TBCD: variants seen among roughly 807,000 people sequenced by gnomAD.
The protein encoded by TBCD is tubulin-specific chaperone D.
TBCD carries 105 observed loss-of-function variants against 169.3 expected under a neutral mutation model. The observed-to-expected ratio is 0.62, with a 90% CI of 0.53 to 0.73. The LOEUF is 0.73. Among genes scored for constraint, TBCD ranks in the 30% least tolerant of loss-of-function variants. The pLI is 0.00. For missense variants in TBCD, 1,444 were observed against 1,600.1 expected, an observed-to-expected ratio of 0.90 and a Z score of 1.66; for synonymous variants, 700 against 643.9, an observed-to-expected ratio of 1.09 and a Z score of -1.32.
intron 15 of TBCD, among the ~76,000 whole-genome samples, chr17:82,887,843 A>G (rs1454529856): frequency 6.6e-6 from 1 of 151,954 alleles, no homozygotes; most frequent in African/African-American, 2.4e-5. Context: ...GTCATGCCTG[A>G]TGGTGTGGAG....
At chr17:82,778,614 A>G (rs1279507345) in intron 6 of TBCD, among the ~76,000 whole-genome samples, 1 of 147,726 alleles carries the variant, frequency 6.8e-6, no homozygotes, top group African/African-American at 2.5e-5. Context: ...GCATGCCACG[A>G]CACCCAGCCA....
chr17:82,942,521 G>A lies in TBCD; in HGVS notation c.*58G>A, dbSNP rs200398757. The A allele has an allele frequency of 3.7e-4, 602 of 1,612,988 alleles. No individual in the cohort carries two copies. The highest frequency in any genetic ancestry group is 4.4e-4 in the Non-Finnish European group (518 of 1,179,338). On this transcript the variant is annotated 3_prime_UTR_variant, in exon 39 of 39. Coordinates refer to ENST00000355528, the MANE Select transcript of TBCD (RefSeq NM_005993.5). The stretch of plus-strand genomic sequence containing the variant: ...CTGGTGAGGATGTCTTGTTCCTGAG[G>A]GAGGCCGGTGTGGAAAGCCTCGCAC...
chr17:82,909,971 G>A (rs1263829573), intron 22 of TBCD, among the ~76,000 whole-genome samples: 1 of 152,190 alleles, frequency 6.6e-6, no homozygotes, highest in East Asian at 1.9e-4. Flanking sequence ...TTTGGGTGTG[G>A]TTTCTTCCCC....
chr17:82,906,334 T>C (rs945891137), intron 20 of TBCD, among the ~76,000 whole-genome samples: 7 of 152,226 alleles, frequency 4.6e-5, no homozygotes, highest in African/African-American at 1.4e-4. Flanking sequence ...CCCTGCTGCC[T>C]CCTTGTGCAC....
rs1227658662 is a variant in TBCD, at chr17:82,835,068, A to G, written c.1318+20134A>G. Among the ~76,000 whole-genome samples, 1 of 152,190 alleles carries G rather than the reference A, an allele frequency of 6.6e-6. No homozygotes were observed. The highest frequency in any genetic ancestry group is 1.5e-5 in the Non-Finnish European group (1 of 68,032). On this transcript the variant is annotated intron_variant, in intron 13 of 38. Coordinates refer to ENST00000355528, the MANE Select transcript of TBCD (RefSeq NM_005993.5). This position sits in a 1 kb window ranked among gnomAD's most constrained non-coding sequence, Gnocchi z 4.5. ...GCAACAGAATGAGACCCTGCCTCAA[A>G]AAAAAGCTAAATGGAAATGACTTAA...
chr17:82,838,509 C>A, intron 13 of TBCD: 1 of 388,796 alleles, frequency 2.6e-6, no homozygotes, highest in Non-Finnish European at 3.5e-6. Flanking sequence ...GCCTGCTCGG[C>A]TGGAGCATTG....
At position 82,814,836 on chromosome 17, in the gene TBCD, T is replaced by G. The variant is rs994122089; in HGVS notation, c.1224-4T>G. 3 of 1,613,678 alleles carry G rather than the reference T, an allele frequency of 1.9e-6. No individual in the cohort carries two copies. The African/African-American group carries it at 4.0e-5, about 22-fold the overall frequency. On this transcript the variant is annotated splice_region_variant and splice_polypyrimidine_tract_variant and intron_variant, in intron 12 of 38. Coordinates refer to ENST00000355528, the MANE Select transcript of TBCD (RefSeq NM_005993.5). ...TGTGGTCTCAGGATCTTTGTTGCTC[T>G]CAGTTTCCAGGAGACTGACAAGGCG... is the stretch of plus-strand genomic sequence containing the variant.
intron 13 of TBCD, among the ~76,000 whole-genome samples, chr17:82,822,221 A>G (rs755724312): frequency 4.6e-5 from 7 of 152,272 alleles, no homozygotes; most frequent in African/African-American, 9.6e-5. Flanking sequence ...AGGTGAGGAC[A>G]CAGCGTTTCT....
chr17:82,831,287 C>G lies in TBCD; in HGVS notation c.1318+16353C>G. 3.1e-6 allele frequency: 5 copies of G among 1,613,856 alleles called. No homozygotes were observed. The highest frequency in any genetic ancestry group is 4.2e-6 in the Non-Finnish European group (5 of 1,180,032). On this transcript the variant is annotated intron_variant, in intron 13 of 38. Transcript: ENST00000355528. This position sits in a 1 kb window ranked among gnomAD's most constrained non-coding sequence, Gnocchi z 4.6. ...GACCCTTCCGTGTCTCTCTGCCCAG[C>G]CTTGGAGGAGTCTTTAGCCTCAGGA...
At chr17:82,867,350 C>G (rs2057245147) in intron 13 of TBCD, among the ~76,000 whole-genome samples, 1 of 152,216 alleles carries the variant, frequency 6.6e-6, no homozygotes, top group African/African-American at 2.4e-5. Context: ...AATTGGGACT[C>G]AGCGGTTTGC....
At chr17:82,797,834 G>A in intron 8 of TBCD, 32 bp downstream of exon 8, 1 of 1,521,536 alleles carries the variant, frequency 6.6e-7, no homozygotes, top group South Asian at 1.2e-5. Context: ...CGATATCTTT[G>A]TGATGTGAGT....
In TBCD at chr17:82,900,476, T is replaced by TGTAAA. The variant is rs1486282296; in HGVS notation, c.1650-174_1650-173insTAAAG. On this transcript the variant is annotated intron_variant, in intron 17 of 38. Transcript: ENST00000355528. ...TGCACGTTTGTGTAAAGCCCGTGTG[T>TGTAAA]GCACAGATGCTCTTTTCTTTTGGGT... 3 of 606,476 alleles carry TGTAAA rather than the reference T, an allele frequency of 4.9e-6. No homozygotes were observed. In the African/African-American group the frequency reaches 5.6e-5, roughly 11 times the overall value. The allele number at this position is 606,476 out of a possible 1,614,324, so 37.6% of individuals were successfully genotyped here.
Position 82,815,083 on chromosome 17 carries a change from C to T in TBCD, c.1318+149C>T, listed in dbSNP as rs1380529873. On this transcript the variant is annotated intron_variant, in intron 13 of 38. Coordinates refer to ENST00000355528, the MANE Select transcript of TBCD (RefSeq NM_005993.5). The stretch of plus-strand genomic sequence containing the variant: ...AGGCTGTCCGTGGCAGGCTGCAGCC[C>T]TTCGTCTGAACCCATCTCCGCGGTG... 22 of 1,339,142 alleles carry T rather than the reference C, an allele frequency of 1.6e-5. No individual in the cohort carries two copies. In the East Asian group the frequency reaches 5.0e-4, roughly 31 times the overall value. The allele number at this position is 1,339,142 out of a possible 1,614,324, so 83.0% of individuals were successfully genotyped here.
At position 82,926,618 on chromosome 17, in the gene TBCD, A is replaced by G. The variant is rs545563998; in HGVS notation, c.2471+127A>G. 61 of 770,076 alleles carry G rather than the reference A, an allele frequency of 7.9e-5. No individual in the cohort carries two copies. The African/African-American group carries it at 9.6e-4, about 12-fold the overall frequency. The allele number at this position is 770,076 out of a possible 1,614,324, so 47.7% of individuals were successfully genotyped here. On this transcript the variant is annotated intron_variant, in intron 28 of 38. Coordinates refer to ENST00000355528, the MANE Select transcript of TBCD (RefSeq NM_005993.5). Reference sequence around the variant, plus strand: ...TCACTTCCTAGGTTTCCTCTCTTCCAGAGGATCGTCAGTCCCAGCTGCTGG... The same window carrying G: ...TCACTTCCTAGGTTTCCTCTCTTCCGGAGGATCGTCAGTCCCAGCTGCTGG...
chr17:82,836,276 C>T (rs1011735713), intron 13 of TBCD, among the ~76,000 whole-genome samples: 10 of 152,224 alleles, frequency 6.6e-5, no homozygotes, highest in African/African-American at 1.9e-4. Context: ...CATGCCTCGC[C>T]GCGCTCCCTG....
chr17:82,927,222 A>G lies in TBCD; in HGVS notation c.2508A>G (p.Pro836=). The G allele has an allele frequency of 1.2e-6, 2 of 1,614,046 alleles. No homozygotes were observed. The highest frequency in any genetic ancestry group is 1.7e-6 in the Non-Finnish European group (2 of 1,179,908). Residue 836 remains proline (P), a synonymous_variant, in exon 29 of 39, where the codon CCA becomes CCG. Transcript: ENST00000355528. The part of the protein sequence containing the change: ...CQTVGVKAGA[P]DEAVCGENVS... ...CTGTTGGTGTGAAAGCAGGAGCCCC[A>G]GACGAAGCTGTGTGCGGAGAGAATG...
intron 16 of TBCD, among the ~76,000 whole-genome samples, chr17:82,892,028 C>G (rs1477308249): frequency 6.6e-6 from 1 of 152,206 alleles, no homozygotes; most frequent in African/African-American, 2.4e-5. Flanking sequence ...CCCAGGCCCC[C>G]CACTTCCCCC....
intron 29 of TBCD, among the ~76,000 whole-genome samples, 172 bp downstream of exon 29, chr17:82,927,495 G>A (rs568564823): frequency 2.6e-5 from 4 of 152,334 alleles, no homozygotes; most frequent in South Asian, 2.1e-4. Context: ...GTGAGCCTGC[G>A]TGGCAGGGCT....
rs1047916184 is a variant in TBCD at position 82,752,418 on chromosome 17, C to G, written c.184+41C>G. ...CGCGTGCCCGCTTCCTCCCCCGGCC[C>G]GGGTTCGGCGCGCTGAGTGCACTTT... On this transcript the variant is annotated intron_variant, in intron 1 of 38. Coordinates refer to ENST00000355528, the MANE Select transcript of TBCD (RefSeq NM_005993.5). 7 of 1,194,772 alleles carry G rather than the reference C, an allele frequency of 5.9e-6. No homozygotes were observed. In the Admixed American group the frequency reaches 2.3e-4, roughly 39 times the overall value. 74.0% of individuals were successfully genotyped at this position (1,194,772 alleles called of 1,614,324 possible).
Sources: allele counts gnomAD v4.1 joint callset (sites outside exome capture counted in the v4.1 genomes callset), GRCh38; gene constraint gnomAD v4.1.1; non-coding constraint Gnocchi (gnomAD v3.1); transcripts MANE v1.5; gene names NCBI Gene and HGNC (gene_info 2026-07-23, HGNC 2026-07-21).